DCLRE1C: variants seen among roughly 807,000 people sequenced by gnomAD.
DCLRE1C encodes the protein DNA cross-link repair 1C, also known as protein artemis.
Under a neutral mutation model 61.4 loss-of-function variants are expected in DCLRE1C, and 47 were observed. The ratio of observed to expected loss-of-function variants is 0.77; its 90% CI spans 0.61 to 0.98. The LOEUF is 0.98. Ranked by LOEUF, DCLRE1C falls within the 50% of genes least tolerant of loss-of-function variation. DCLRE1C has a pLI of 0.00. For synonymous variants in DCLRE1C, 337 were observed against 287.6 expected, an observed-to-expected ratio of 1.17 and a Z score of -1.74; for missense variants, 858 against 816.0, an observed-to-expected ratio of 1.05 and a Z score of -0.63.
At chr10:14,916,815 G>T (rs561413987) in intron 13 of DCLRE1C, among the ~76,000 whole-genome samples, 2 of 152,330 alleles carry the variant, frequency 1.3e-5, no homozygotes, top group South Asian at 4.1e-4. Context: ...ATTCAGTATT[G>T]TTAAGATGCC....
intron 4 of DCLRE1C, among the ~76,000 whole-genome samples, chr10:14,939,549 T>C (rs1840528970): frequency 6.6e-6 from 1 of 152,104 alleles, no homozygotes; most frequent in Admixed American, 6.5e-5. Flanking sequence ...AAGTGTCTAT[T>C]GTATAAGCCA....
intron 2 of DCLRE1C, among the ~76,000 whole-genome samples, chr10:14,948,692 A>G (rs1842027232): frequency 6.6e-6 from 1 of 151,936 alleles, no homozygotes; most frequent in Non-Finnish European, 1.5e-5. Context: ...CCTGGGCGAC[A>G]TAGCAAAACT....
At chr10:14,913,844 G>A (rs1441972197) in intron 13 of DCLRE1C, among the ~76,000 whole-genome samples, 2 of 151,954 alleles carry the variant, frequency 1.3e-5, no homozygotes, top group Non-Finnish European at 1.5e-5. Flanking sequence ...TGGTACTCTT[G>A]GGGGGGTCCT....
At chr10:14,913,295 AAT>A (rs1298592939) in intron 13 of DCLRE1C, among the ~76,000 whole-genome samples, 1 of 152,254 alleles carries the variant, frequency 6.6e-6, no homozygotes, top group Non-Finnish European at 1.5e-5. Flanking sequence ...GGTAACAAAA[AAT>A]GTTCCAAAAT....
At position 14,919,755 on chromosome 10, in the gene DCLRE1C, G is replaced by C. The variant is rs368959624; in HGVS notation, c.1139C>G (p.Thr380Arg). Residue 380 changes from threonine (T) to arginine (R), a missense_variant, in exon 13 of 14, where the codon ACA becomes AGA. By Grantham distance (71) the Thr-to-Arg change is moderately conservative. Around this residue, in one of 2 missense-constraint regions of DCLRE1C, gnomAD observed 843 missense variants for 783.5 expected, o/e 1.08. Transcript: ENST00000378278. ...TTTCTTACCTGAGTCTCGGTGAACT[G>C]TTCTAGCTCTCTTCAGTTTTCCCAG... ...KPLGKLKRAR[T>R]VHRDSEEEDD... The C allele has an allele frequency of 1.7e-5, 28 of 1,613,592 alleles. No homozygotes were observed. Among genetic ancestry groups the C allele is most frequent in the Middle Eastern group, 1.6e-4 (1 of 6,084 alleles).
intron 13 of DCLRE1C, among the ~76,000 whole-genome samples, chr10:14,913,077 G>A (rs937994601): frequency 2.0e-5 from 3 of 151,996 alleles, no homozygotes; most frequent in African/African-American, 2.4e-5. Context: ...GGATGGTCTC[G>A]ATCTCTCTGA....
At chr10:14,929,999 A>G (rs1165376978) in intron 9 of DCLRE1C, among the ~76,000 whole-genome samples, 2 of 152,238 alleles carry the variant, frequency 1.3e-5, no homozygotes, top group Non-Finnish European at 2.9e-5. Context: ...TAACTAAGCT[A>G]CTTTGTGGGA....
At chr10:14,911,550 A>G (rs532515695) in intron 13 of DCLRE1C, among the ~76,000 whole-genome samples, 39 of 152,312 alleles carry the variant, frequency 2.6e-4, no homozygotes, top group Admixed American at 1.6e-3. Flanking sequence ...ATGGGAGTCA[A>G]TTTTCATGAT....
chr10:14,915,884 A>G (rs945755342), intron 13 of DCLRE1C, among the ~76,000 whole-genome samples: 2 of 152,206 alleles, frequency 1.3e-5, no homozygotes, highest in African/African-American at 4.8e-5. Flanking sequence ...AATTCTTACC[A>G]TAATACTTAA....
Position 14,909,266 on chromosome 10 carries a change from G to T in DCLRE1C, c.1221C>A (p.Tyr407Ter). Residue 407 changes from tyrosine to a stop codon, truncating the protein, a stop_gained, in exon 14 of 14, where the codon TAC becomes TAA. Transcript: ENST00000378278. LOFTEE classifies it low-confidence loss of function (END_TRUNC). ...LPIPLRHKVP[Y>*]PETFHPEVFS... is the part of the protein sequence containing the mutation. ...ATACCTCAGGGTGAAAAGTTTCCGG[G>T]TATGGAACTTTGTGCCTTAAAGGTA... 6.2e-7 allele frequency: 1 copy of T among 1,613,814 alleles called. No homozygotes were observed. Among genetic ancestry groups the T allele is most frequent in the Non-Finnish European group, 8.5e-7 (1 of 1,179,962 alleles).
chr10:14,902,596 T>C, downstream of DCLRE1C: 1 of 815,304 alleles, frequency 1.2e-6, no homozygotes, highest in Non-Finnish European at 1.8e-6. Context: ...GGGACTCTTA[T>C]TATCAAGGTT....
intron 4 of DCLRE1C, among the ~76,000 whole-genome samples, chr10:14,937,623 G>T (rs1026915160): frequency 6.6e-6 from 1 of 152,062 alleles, no homozygotes; most frequent in Non-Finnish European, 1.5e-5. Flanking sequence ...AGGTGCGGTG[G>T]CTCATGCCTG....
intron 9 of DCLRE1C, among the ~76,000 whole-genome samples, chr10:14,932,608 C>A (rs1429737176): frequency 1.3e-5 from 2 of 152,000 alleles, no homozygotes; most frequent in African/African-American, 4.8e-5. Context: ...TGCACTCCAG[C>A]CTGGGCGACA....
chr10:14,953,233 G>A (rs1041113759), intron 1 of DCLRE1C, among the ~76,000 whole-genome samples: 4 of 152,170 alleles, frequency 2.6e-5, no homozygotes, highest in Non-Finnish European at 5.9e-5. Flanking sequence ...TCAAGTTAGC[G>A]GTATTTAAAC....
rs1339669713 is a variant in DCLRE1C, at chr10:14,929,690, G to GGA, written c.781-1539_781-1538insTC. 5.3e-5 allele frequency among the ~76,000 whole-genome samples: 8 copies of GGA among 151,658 alleles called. No homozygotes were observed. The East Asian group carries it at 9.7e-4, about 18-fold the overall frequency. On this transcript the variant is annotated intron_variant, in intron 9 of 13. Transcript: ENST00000378278. ...AAAGTTTTCAAAATAAATTTGGAGGGAAAAAAACTAACAAATACAAGTGTT... is the reference window on the plus strand; with the variant it reads ...AAAGTTTTCAAAATAAATTTGGAGGGGAAAAAAAACTAACAAATACAAGTGTT...
chr10:14,901,767 G>A (rs1834037653), downstream of DCLRE1C, among the ~76,000 whole-genome samples: 1 of 151,744 alleles, frequency 6.6e-6, no homozygotes, highest in African/African-American at 2.4e-5. Context: ...GGAGGTTGGG[G>A]CTACAGTTGA....
intron 3 of DCLRE1C, 104 bp from the exon 4 acceptor site, chr10:14,939,973 C>A (rs1247122714): frequency 7.1e-6 from 6 of 849,254 alleles, no homozygotes; most frequent in Non-Finnish European, 9.5e-6. Context: ...GTTTCAGACT[C>A]TCTATATAAA....
At chr10:14,951,603 G>A (rs1842475165) in intron 1 of DCLRE1C, among the ~76,000 whole-genome samples, 1 of 152,056 alleles carries the variant, frequency 6.6e-6, no homozygotes, top group Non-Finnish European at 1.5e-5. Flanking sequence ...CACAGTTCAG[G>A]AAGCTGGGAA....
At chr10:14,898,672 T>C (rs1042764620) in exon 14 of DCLRE1C, 4 of 152,314 alleles carry the variant, frequency 2.6e-5, no homozygotes, top group East Asian at 3.8e-4. Flanking sequence ...TAAAGTACTT[T>C]AGACACTTTT....
Sources: gnomAD v4.1 joint callset for allele counts (sites outside exome capture counted in the v4.1 genomes callset) on GRCh38, gnomAD v4.1.1 for gene constraint, gnomAD v4.1.1 regional missense constraint, MANE v1.5 for transcripts, NCBI Gene and HGNC (gene_info 2026-07-23, HGNC 2026-07-21) for gene names.